Variants in ST6GALNAC5 observed in about 807,000 individuals in gnomAD.
ST6GALNAC5 encodes alpha-N-acetylgalactosaminide alpha-2,6-sialyltransferase 5.
A neutral mutation model predicts 33.6 loss-of-function variants in ST6GALNAC5; 27 were observed. That is an observed-to-expected ratio of 0.80 (90% CI 0.59 to 1.11). The LOEUF is 1.11. Among genes scored for constraint, ST6GALNAC5 ranks in the 50% least tolerant of loss-of-function variants. The pLI is 0.00. For missense variants in ST6GALNAC5, 428 were observed against 454.0 expected, an observed-to-expected ratio of 0.94 and a Z score of 0.52; for synonymous variants, 194 against 171.2, an observed-to-expected ratio of 1.13 and a Z score of -1.04.
intron 2 of ST6GALNAC5, among the ~76,000 whole-genome samples, chr1:76,919,074 G>A (rs963208036): frequency 6.6e-6 from 1 of 152,090 alleles, no homozygotes; most frequent in East Asian, 1.9e-4. Context: ...GGAGCTTTCT[G>A]AACTGGATAA....
At chr1:76,912,939 G>A (rs1481036107) in intron 2 of ST6GALNAC5, among the ~76,000 whole-genome samples, 1 of 151,236 alleles carries the variant, frequency 6.6e-6, no homozygotes, top group Non-Finnish European at 1.5e-5. Flanking sequence ...ATATTGTTAT[G>A]TGTGAATTTG....
intron 3 of ST6GALNAC5, among the ~76,000 whole-genome samples, chr1:77,047,110 A>G (rs1251876812): frequency 1.3e-5 from 2 of 152,218 alleles, no homozygotes; most frequent in African/African-American, 4.8e-5. Context: ...ACAGACATCC[A>G]TCTGCCAGGG....
chr1:77,000,949 G>C (rs1650133525), intron 2 of ST6GALNAC5, among the ~76,000 whole-genome samples: 1 of 151,418 alleles, frequency 6.6e-6, no homozygotes, highest in African/African-American at 2.4e-5. Context: ...TTGTTCTTTT[G>C]GCTTAGGATT....
chr1:76,876,845 C>T (rs1653651996), intron 2 of ST6GALNAC5, among the ~76,000 whole-genome samples: 3 of 152,178 alleles, frequency 2.0e-5, no homozygotes, highest in Non-Finnish European at 4.4e-5. Flanking sequence ...GTCTTCTCGT[C>T]TCTGTCAACT....
chr1:77,061,841 T>C (rs10489462), intron 4 of ST6GALNAC5, among the ~76,000 whole-genome samples: 6,738 of 152,282 alleles, frequency 0.044, 292 homozygotes, highest in East Asian at 0.24. Context: ...CAGTACTTCC[T>C]GTTTGAGGCT....
intron 2 of ST6GALNAC5, among the ~76,000 whole-genome samples, chr1:77,000,979 T>C (rs1650135261): frequency 6.6e-6 from 1 of 151,266 alleles, no homozygotes; most frequent in African/African-American, 2.4e-5. Flanking sequence ...ATGCGGGCTC[T>C]TTTTTGGTTC....
chr1:76,872,075 ACACAC>A (rs1653519140), intron 2 of ST6GALNAC5, among the ~76,000 whole-genome samples: 1 of 100,686 alleles, frequency 9.9e-6, no homozygotes, highest in African/African-American at 5.1e-5. Flanking sequence ...GCTAACACAC[ACACAC>A]ACACACACAC....
chr1:76,992,513 G>A (rs1570746693), intron 2 of ST6GALNAC5, among the ~76,000 whole-genome samples: 2 of 121,942 alleles, frequency 1.6e-5, no homozygotes, highest in Admixed American at 1.6e-4. Flanking sequence ...TATTTTATTT[G>A]AGACCGGTTC....
chr1:77,050,304 A>G lies in ST6GALNAC5; in HGVS notation c.718A>G (p.Ile240Val). Residue 240 changes from isoleucine (I) to valine (V), a missense_variant, in exon 4 of 5, where the codon ATT becomes GTT. Ile to Val is a conservative substitution (Grantham distance 29). Transcript: ENST00000477717. ...WLSTGWFTMT[I>V]ALELCDRINV... ...CAGCACTGGCTGGTTTACAATGACAATTGCACTGGAGCTCTGTGACAGGAT... is the reference window on the plus strand; with the variant it reads ...CAGCACTGGCTGGTTTACAATGACAGTTGCACTGGAGCTCTGTGACAGGAT... The G allele has an allele frequency of 6.2e-7, 1 of 1,614,096 alleles. No individual in the cohort carries two copies. The highest frequency in any genetic ancestry group is 8.5e-7 in the Non-Finnish European group (1 of 1,179,954).
intron 2 of ST6GALNAC5, among the ~76,000 whole-genome samples, chr1:77,010,024 C>CCA (rs1650573515): frequency 6.6e-6 from 1 of 152,118 alleles, no homozygotes; most frequent in Non-Finnish European, 1.5e-5. Context: ...TTACCAGTGA[C>CCA]CATCCATGAA....
chr1:76,947,758 A>T (rs555437558), intron 2 of ST6GALNAC5, among the ~76,000 whole-genome samples: 1 of 152,088 alleles, frequency 6.6e-6, no homozygotes, highest in African/African-American at 2.4e-5. Context: ...AAAAGGAAAA[A>T]TAATAATAAG....
chr1:76,876,848 T>C (rs1653652051), intron 2 of ST6GALNAC5, among the ~76,000 whole-genome samples: 1 of 152,280 alleles, frequency 6.6e-6, no homozygotes, highest in Non-Finnish European at 1.5e-5. Flanking sequence ...TTCTCGTCTC[T>C]GTCAACTGAT....
chr1:77,057,069 A>G (rs914296258), intron 4 of ST6GALNAC5, among the ~76,000 whole-genome samples: 3 of 152,232 alleles, frequency 2.0e-5, no homozygotes, highest in Non-Finnish European at 2.9e-5. Flanking sequence ...CTTCACAGCT[A>G]TTAATTCAAC....
intron 2 of ST6GALNAC5, among the ~76,000 whole-genome samples, chr1:77,036,048 G>A (rs1387272981): frequency 3.3e-5 from 5 of 152,038 alleles, no homozygotes; most frequent in Non-Finnish European, 7.4e-5. Flanking sequence ...AATGTGGTAT[G>A]GACAAAAATA....
chr1:77,030,242 T>C (rs1651403854), intron 2 of ST6GALNAC5, among the ~76,000 whole-genome samples: 1 of 152,230 alleles, frequency 6.6e-6, no homozygotes, highest in East Asian at 1.9e-4. Flanking sequence ...ACTGATTTTG[T>C]TTTGCATATT....
intron 2 of ST6GALNAC5, among the ~76,000 whole-genome samples, chr1:76,988,794 T>C (rs1014334803): frequency 6.6e-6 from 1 of 152,166 alleles, no homozygotes; most frequent in African/African-American, 2.4e-5. Context: ...CTGTTAAATA[T>C]ATAGTCTCCC....
intron 2 of ST6GALNAC5, among the ~76,000 whole-genome samples, chr1:77,042,058 G>A (rs1008858234): frequency 1.2e-4 from 18 of 152,142 alleles, no homozygotes; most frequent in Non-Finnish European, 1.2e-4. Context: ...CACTGCCACC[G>A]CCTTACAGTG....
intron 4 of ST6GALNAC5, among the ~76,000 whole-genome samples, chr1:77,052,312 A>G (rs1320901351): frequency 6.6e-6 from 1 of 152,246 alleles, no homozygotes; most frequent in Non-Finnish European, 1.5e-5. Flanking sequence ...GACCAGGAGT[A>G]GCACAGATGG....
chr1:76,971,298 C>T (rs1648746618), intron 2 of ST6GALNAC5, among the ~76,000 whole-genome samples: 1 of 152,056 alleles, frequency 6.6e-6, no homozygotes. Flanking sequence ...AGTTTCATGG[C>T]CGTGAGGTAG....
Sources: gnomAD v4.1 joint callset for allele counts (sites outside exome capture counted in the v4.1 genomes callset) on GRCh38, gnomAD v4.1.1 for gene constraint, MANE v1.5 for transcripts, NCBI Gene and HGNC (gene_info 2026-07-23, HGNC 2026-07-21) for gene names.